Variants in TENM4 observed in about 807,000 individuals in gnomAD.
The protein encoded by TENM4 is teneurin transmembrane protein 4.
A neutral mutation model predicts 243.3 loss-of-function variants in TENM4; 82 were observed. The ratio of observed to expected loss-of-function variants is 0.34; its 90% confidence interval spans 0.28 to 0.40. The LOEUF (loss-of-function observed/expected upper bound fraction) is 0.40. Ranked by LOEUF, TENM4 falls within the 10% of genes least tolerant of loss-of-function variation. TENM4 has a pLI of 1.00. For synonymous variants in TENM4, 1,412 were observed against 1,456.3 expected (o/e 0.97, Z 0.69); for missense variants, 3,138 against 3,673.3 (o/e 0.85, Z 3.77).
chr11:78,787,704 C>A (rs1323257175), intron 15 of TENM4, among the ~76,000 whole-genome samples: 1 of 152,150 alleles, frequency 6.6e-6, no homozygotes, highest in Non-Finnish European at 1.5e-5. Context: ...TGGGTTTATT[C>A]TCTTTCAGCT....
chr11:78,964,258 G>T (rs1857395477), intron 6 of TENM4, among the ~76,000 whole-genome samples: 1 of 151,838 alleles, frequency 6.6e-6, no homozygotes, highest in Non-Finnish European at 1.5e-5. Context: ...GGCCAGGATG[G>T]TCTCAATCTC....
chr11:79,272,460 T>A (rs183858451), intron 2 of TENM4, among the ~76,000 whole-genome samples: 2 of 152,216 alleles, frequency 1.3e-5, no homozygotes, highest in Non-Finnish European at 2.9e-5. Context: ...AAAGCACTCA[T>A]GGGACATTTT....
chr11:79,400,509 G>T (rs976120138), intron 1 of TENM4, among the ~76,000 whole-genome samples: 3 of 152,060 alleles, frequency 2.0e-5, no homozygotes, highest in African/African-American at 4.8e-5. Context: ...CTCCTGACAG[G>T]CATCTCTCTT....
intron 2 of TENM4, among the ~76,000 whole-genome samples, chr11:79,286,209 A>G (rs2135373472): frequency 6.6e-6 from 1 of 152,294 alleles, no homozygotes; most frequent in South Asian, 2.1e-4. Context: ...TAATGTGAAA[A>G]AAAGAGAAAG....
At chr11:79,359,377 G>GT (rs199593155) in intron 1 of TENM4, among the ~76,000 whole-genome samples, 10 of 151,252 alleles carry the variant, frequency 6.6e-5, no homozygotes, top group East Asian at 2.0e-4. Flanking sequence ...TCCAGATTTT[G>GT]TTTTTTTTTA....
intron 3 of TENM4, among the ~76,000 whole-genome samples, chr11:79,156,279 C>A (rs1328920194): frequency 6.6e-6 from 1 of 152,198 alleles, no homozygotes; most frequent in Non-Finnish European, 1.5e-5. Flanking sequence ...AGTTGGCAGC[C>A]CAGCACCAAT....
chr11:78,843,929 C>T (rs552760583), intron 12 of TENM4, among the ~76,000 whole-genome samples: 96 of 152,318 alleles, frequency 6.3e-4, no homozygotes, highest in Middle Eastern at 3.4e-3. Context: ...TTCTAGCTTG[C>T]AGGGAAAAAC....
intron 1 of TENM4, among the ~76,000 whole-genome samples, chr11:79,433,250 C>T (rs185276579): frequency 1.3e-5 from 2 of 152,178 alleles, no homozygotes; most frequent in Admixed American, 6.5e-5. Context: ...CACCTGGGAG[C>T]TGGCGAAAAA....
intron 4 of TENM4, among the ~76,000 whole-genome samples, chr11:79,138,570 ATATATTTATATAAATACATAAAAC>A (rs1862170991): frequency 7.7e-5 from 2 of 26,078 alleles, no homozygotes; most frequent in Admixed American, 4.9e-4. Context: ...TACATAAAAC[ATATATTTATATAAATACATAAAAC>A]ATATATTATA....
intron 7 of TENM4, among the ~76,000 whole-genome samples, chr11:78,899,224 A>G (rs1312067258): frequency 6.6e-6 from 1 of 152,092 alleles, no homozygotes; most frequent in African/African-American, 2.4e-5. Context: ...CCCTGCTAGG[A>G]AGCCTATTTG....
chr11:78,704,034 TACACAC>T lies in TENM4; in HGVS notation c.4210-1637_4210-1632del, dbSNP rs375601895. 2.4e-3 allele frequency among the ~76,000 whole-genome samples: 328 copies of T among 138,252 alleles called. 1 individual carries two copies. Among genetic ancestry groups the T allele is most frequent in the African/African-American group, 6.6e-3 (237 of 36,052 alleles). 90.7% of individuals were successfully genotyped at this position (138,252 alleles called of 152,430 possible). On this transcript the variant is annotated intron_variant, in intron 27 of 33. Coordinates refer to ENST00000278550, the MANE Select transcript of TENM4 (RefSeq NM_001098816.3). Reference sequence around the variant, plus strand: ...ACACACACACACACACATATATATATACACACACACACACACACACACACACACACA... The same window carrying T: ...ACACACACACACACACATATATATATACACACACACACACACACACACACA...
At chr11:78,747,204 C>T (rs1004526387) in intron 19 of TENM4, among the ~76,000 whole-genome samples, 2 of 152,144 alleles carry the variant, frequency 1.3e-5, no homozygotes, top group African/African-American at 2.4e-5. Context: ...TGGATGTGGA[C>T]GTCCCGTGTG....
At chr11:79,422,563 T>C in intron 1 of TENM4, among the ~76,000 whole-genome samples, 1 of 152,168 alleles carries the variant, frequency 6.6e-6, no homozygotes, top group Non-Finnish European at 1.5e-5. Flanking sequence ...TCTGCCTCCA[T>C]GAGTGCCTAA....
intron 4 of TENM4, among the ~76,000 whole-genome samples, chr11:79,091,319 G>C (rs77554898): frequency 0.013 from 1,970 of 152,210 alleles, 49 homozygotes; most frequent in African/African-American, 0.045. Context: ...TCTCATTTAA[G>C]AAGTCCGTCA....
intron 11 of TENM4, 74 bp from the exon 12 acceptor site, chr11:78,854,388 C>T: frequency 7.4e-7 from 1 of 1,347,074 alleles, no homozygotes; most frequent in Non-Finnish European, 9.8e-7. Context: ...GGGGCTTCTC[C>T]TGGAGAGGAC....
intron 1 of TENM4, among the ~76,000 whole-genome samples, chr11:79,318,075 C>T (rs1856830551): frequency 6.6e-6 from 1 of 152,146 alleles, no homozygotes; most frequent in Non-Finnish European, 1.5e-5. Flanking sequence ...TTTAATATCA[C>T]AATTTAAGCA....
intron 1 of TENM4, among the ~76,000 whole-genome samples, chr11:79,421,803 C>A (rs1019284993): frequency 6.6e-6 from 1 of 151,930 alleles, no homozygotes; most frequent in Non-Finnish European, 1.5e-5. Context: ...ATGTCTATTT[C>A]AAAATGCCCA....
At chr11:78,971,119 G>T (rs990146385) in intron 6 of TENM4, among the ~76,000 whole-genome samples, 4 of 152,082 alleles carry the variant, frequency 2.6e-5, no homozygotes, top group African/African-American at 9.7e-5. Flanking sequence ...GAACTCCCGG[G>T]TTGAGGTGAT....
In TENM4 at chr11:78,695,772, CTT is replaced by C. The variant is rs57847507; in HGVS notation, c.5087+5752_5087+5753del. Among the ~76,000 whole-genome samples the C allele has an allele frequency of 2.8e-3, 395 of 142,892 alleles. 4 individuals are homozygous for C. Among genetic ancestry groups the C allele is most frequent in the South Asian group, 0.011 (50 of 4,494 alleles). The allele number at this position is 142,892 out of a possible 152,430, so 93.7% of individuals were successfully genotyped here. ...TTACCTTTGTTCCTCTTATAAAATGCTTTTTTTTTTTTTCCTGGCTGCTTTTA... is the reference window on the plus strand; with the variant it reads ...TTACCTTTGTTCCTCTTATAAAATGCTTTTTTTTTTTCCTGGCTGCTTTTA... On this transcript the variant is annotated intron_variant, in intron 28 of 33. Coordinates refer to ENST00000278550, the MANE Select transcript of TENM4 (RefSeq NM_001098816.3).
Sources: gnomAD v4.1 joint callset for allele counts (sites outside exome capture counted in the v4.1 genomes callset) on GRCh38, gnomAD v4.1.1 for gene constraint, MANE v1.5 for transcripts, NCBI Gene and HGNC (gene_info 2026-07-23, HGNC 2026-07-21) for gene names.